Variants in CCDC73 observed in about 807,000 individuals in gnomAD.
The protein encoded by CCDC73 is coiled-coil domain containing 73.
Under a neutral mutation model 116.5 loss-of-function variants are expected in CCDC73, and 95 were observed. The observed-to-expected ratio is 0.82, with a 90% CI of 0.69 to 0.97. The LOEUF (loss-of-function observed/expected upper bound fraction) is 0.97, where lower values mean the gene tolerates loss of function less well. Ranked by LOEUF, CCDC73 falls within the 50% of genes least tolerant of loss-of-function variation. The pLI is 0.00. For synonymous variants in CCDC73, 398 were observed against 401.3 expected (o/e 0.99, Z 0.10); for missense variants, 1,066 against 1,206.8 (o/e 0.88, Z 1.73).
the CCDC73 span, among the ~76,000 whole-genome samples, chr11:32,827,677 C>T: frequency 1.3e-5 from 2 of 152,138 alleles, no homozygotes; most frequent in South Asian, 2.1e-4. Context: ...GTATTCAGCA[C>T]GAACAATGTA....
chr11:32,742,553 T>C (rs914355420), intron 2 of CCDC73, among the ~76,000 whole-genome samples: 3 of 152,232 alleles, frequency 2.0e-5, no homozygotes, highest in Non-Finnish European at 4.4e-5. Flanking sequence ...ATTCTGGATA[T>C]TAGCCCTTTG....
the CCDC73 span, among the ~76,000 whole-genome samples, chr11:32,804,830 T>C: frequency 6.6e-6 from 1 of 152,234 alleles, no homozygotes; most frequent in Non-Finnish European, 1.5e-5. Context: ...AGGAATATTC[T>C]TCATTGAGTA....
intron 6 of CCDC73, among the ~76,000 whole-genome samples, chr11:32,698,968 T>C (rs1590601046): frequency 6.6e-6 from 1 of 152,166 alleles, no homozygotes; most frequent in East Asian, 1.9e-4. Context: ...ACAATATATA[T>C]GCCTTACTCA....
chr11:32,701,496 T>C (rs12293058), intron 4 of CCDC73, among the ~76,000 whole-genome samples: 88,444 of 151,668 alleles, frequency 0.58, 26,093 homozygotes, highest in East Asian at 0.84. Flanking sequence ...AGCCCAAGAG[T>C]TTGAGACCAG....
intron 1 of CCDC73, among the ~76,000 whole-genome samples, chr11:32,773,115 T>C (rs1009554616): frequency 1.3e-5 from 2 of 152,160 alleles, no homozygotes; most frequent in African/African-American, 4.8e-5. Context: ...TAATGACACA[T>C]GCAACAACAT....
rs1241398834 is a variant in CCDC73, at chr11:32,614,377, TA to T, written c.1940del (p.Leu647TyrfsTer9). ...CTAACATAACATTACTTGAATTCCG[TA>T]AACTATATTTCTGACATGGAACAGG... is the stretch of plus-strand genomic sequence containing the variant. ...KNPVPCQKYSLRNSSNVMLDD... is the reference protein window; with the variant it reads ...KNPVPCQKYSXRNSSNVMLDD... On this transcript the variant is annotated frameshift_variant, in exon 16 of 18. Transcript: ENST00000335185. LOFTEE classifies it high-confidence loss of function. 6.2e-7 allele frequency: 1 copy of T among 1,612,778 alleles called. No individual in the cohort carries two copies. The highest frequency in any genetic ancestry group is 1.3e-5 in the African/African-American group (1 of 74,904).
chr11:32,705,354 TA>T (rs1849846474), intron 3 of CCDC73, among the ~76,000 whole-genome samples: 2 of 152,146 alleles, frequency 1.3e-5, no homozygotes, highest in African/African-American at 4.8e-5. Context: ...CTGTGGTTCC[TA>T]GCATCTCCAA....
At position 32,755,611 on chromosome 11, in the gene CCDC73, G is replaced by GTGTGTATATATATATCTCCATATATA. The variant is rs1565094119; in HGVS notation, c.135+4497_135+4498insTATATATGGAGATATATATATACACA. 6.7e-3 allele frequency among the ~76,000 whole-genome samples: 169 copies of GTGTGTATATATATATCTCCATATATA among 25,178 alleles called. 29 individuals are homozygous for GTGTGTATATATATATCTCCATATATA. The highest frequency in any genetic ancestry group is 0.023 in the African/African-American group (159 of 7,014). 16.5% of individuals were successfully genotyped at this position (25,178 alleles called of 152,430 possible). ...TGTGTATATATATATCCATATATATGTGTGTGTATATATATATCTCCATAT... is the reference window on the plus strand; with the variant it reads ...TGTGTATATATATATCCATATATATGTGTGTATATATATATCTCCATATATATGTGTGTATATATATATCTCCATAT... On this transcript the variant is annotated intron_variant, in intron 2 of 17. Transcript: ENST00000335185.
chr11:32,643,227 T>G (rs2133251593), intron 12 of CCDC73, among the ~76,000 whole-genome samples: 1 of 152,210 alleles, frequency 6.6e-6, no homozygotes, highest in Non-Finnish European at 1.5e-5. Context: ...TTTTACAATT[T>G]TAACATGGAG....
chr11:32,782,473 C>A (rs1175783538), intron 1 of CCDC73, among the ~76,000 whole-genome samples: 1 of 152,160 alleles, frequency 6.6e-6, no homozygotes, highest in African/African-American at 2.4e-5. Flanking sequence ...AAGATGAAGA[C>A]CATAGTCAAT....
At chr11:32,790,546 A>G (rs1198745094) in intron 1 of CCDC73, among the ~76,000 whole-genome samples, 1 of 152,180 alleles carries the variant, frequency 6.6e-6, no homozygotes, top group Non-Finnish European at 1.5e-5. Context: ...TAAACATTTT[A>G]TTAAATTGCT....
intron 14 of CCDC73, among the ~76,000 whole-genome samples, chr11:32,616,727 A>G (rs978866018): frequency 1.3e-5 from 2 of 152,232 alleles, no homozygotes; most frequent in African/African-American, 2.4e-5. Context: ...CACATGTTAC[A>G]TGTGAAGCAC....
chr11:32,829,878 G>T, the CCDC73 span: 10 of 985,416 alleles, frequency 1.0e-5, no homozygotes, highest in Non-Finnish European at 1.2e-5. Flanking sequence ...CCCGGCCCCC[G>T]GGAGGTGGGG....
intron 1 of CCDC73, among the ~76,000 whole-genome samples, chr11:32,779,217 A>G (rs1850561500): frequency 6.6e-6 from 1 of 151,108 alleles, no homozygotes. Flanking sequence ...TCTCTGCACT[A>G]TACAAATACT....
At chr11:32,635,167 C>T (rs758938713) in intron 14 of CCDC73, among the ~76,000 whole-genome samples, 1 of 81,186 alleles carries the variant, frequency 1.2e-5, no homozygotes, top group Non-Finnish European at 2.7e-5. Context: ...CTGGAAGACT[C>T]AATGCCAAAT....
rs540585168 is a variant in CCDC73, at chr11:32,732,005, A to T, written c.136-13858T>A. On this transcript the variant is annotated intron_variant, in intron 2 of 17. Coordinates refer to ENST00000335185, the MANE Select transcript of CCDC73 (RefSeq NM_001008391.4). Reference sequence around the variant, plus strand: ...AGCATGTTCGAACCCATCGCAAAGAAGCTAAAAACCTTGAAAAAAGATTGG... The same window carrying T: ...AGCATGTTCGAACCCATCGCAAAGATGCTAAAAACCTTGAAAAAAGATTGG... 2.0e-5 allele frequency among the ~76,000 whole-genome samples: 3 copies of T among 152,322 alleles called. No homozygotes were observed. In the South Asian group the frequency reaches 6.2e-4, roughly 32 times the overall value.
chr11:32,646,859 T>C (rs2133255323), intron 12 of CCDC73, among the ~76,000 whole-genome samples: 1 of 152,336 alleles, frequency 6.6e-6, no homozygotes, highest in South Asian at 2.1e-4. Context: ...TTTTGTCTTT[T>C]GGTTCTACTT....
intron 1 of CCDC73, among the ~76,000 whole-genome samples, chr11:32,776,137 C>T (rs1254934339): frequency 3.9e-5 from 6 of 151,994 alleles, no homozygotes; most frequent in African/African-American, 7.2e-5. Context: ...CTAAATGGAC[C>T]GGTTTGTTCT....
intron 1 of CCDC73, among the ~76,000 whole-genome samples, chr11:32,786,634 A>C (rs916368771): frequency 6.6e-6 from 1 of 151,016 alleles, no homozygotes; most frequent in African/African-American, 2.4e-5. Context: ...GCTTTTTTAA[A>C]AGCTTTTTTT....
Sources: gnomAD v4.1 joint callset for allele counts (sites outside exome capture counted in the v4.1 genomes callset) on GRCh38, gnomAD v4.1.1 for gene constraint, MANE v1.5 for transcripts, NCBI Gene and HGNC (gene_info 2026-07-23, HGNC 2026-07-21) for gene names.